Variants in SLCO1A2 observed in about 807,000 individuals in gnomAD.
SLCO1A2 encodes solute carrier organic anion transporter family member 1A2.
SLCO1A2 carries 67 observed loss-of-function variants against 69.0 expected under a neutral mutation model. The ratio of observed to expected loss-of-function variants is 0.97; its 90% CI spans 0.80 to 1.19. The LOEUF (loss-of-function observed/expected upper bound fraction) is 1.19. Among genes scored for constraint, SLCO1A2 ranks in the 50% most tolerant of loss-of-function variants. The pLI, the probability that SLCO1A2 is intolerant of heterozygous loss-of-function variation, is 0.00. For synonymous variants in SLCO1A2, 260 were observed against 265.9 expected (o/e 0.98, Z 0.22); for missense variants, 787 against 793.7 (o/e 0.99, Z 0.10).
In SLCO1A2 at chr12:21,304,581, A is replaced by T. The variant is rs1456354209; in HGVS notation, c.443-8T>A. ...TAACTTCCTTTGTACACTCTGCATT[A>T]AAAAAAAAAGACATGACATTAGTGC... On this transcript the variant is annotated splice_region_variant and splice_polypyrimidine_tract_variant and intron_variant, in intron 5 of 14. Transcript: ENST00000683939. 5.9e-6 allele frequency: 4 copies of T among 673,346 alleles called. No individual in the cohort carries two copies. In the African/African-American group the frequency reaches 2.3e-4, roughly 38 times the overall value. The allele number at this position is 673,346 out of a possible 1,614,324, so 41.7% of individuals were successfully genotyped here. A position where few individuals can be genotyped will look rare whatever the true frequency, so the allele number is the denominator to read the frequency against.
In SLCO1A2 at chr12:21,400,649, T is replaced by G. The variant is rs1156797264; in HGVS notation, c.-312+17233A>C. ...ACCCAAATGTCCAACAATGATAGACTGGATTAAGAAAATGTGGCACATATA... is the reference window on the plus strand; with the variant it reads ...ACCCAAATGTCCAACAATGATAGACGGGATTAAGAAAATGTGGCACATATA... On this transcript the variant is annotated intron_variant, in intron 1 of 4. Transcript: ENST00000413682. Among the ~76,000 whole-genome samples the G allele has an allele frequency of 6.7e-5, 10 of 149,940 alleles. No homozygotes were observed. In the East Asian group the frequency reaches 1.8e-3, roughly 26 times the overall value.
chr12:21,377,064 T>A (rs1940251678), intron 1 of SLCO1A2, among the ~76,000 whole-genome samples: 1 of 152,160 alleles, frequency 6.6e-6, no homozygotes, highest in African/African-American at 2.4e-5. Context: ...AAACATAAGT[T>A]AAAATTAAAT....
upstream of SLCO1A2, among the ~76,000 whole-genome samples, chr12:21,336,063 T>C (rs753315143): frequency 5.9e-5 from 9 of 152,056 alleles, no homozygotes; most frequent in Non-Finnish European, 8.8e-5. Context: ...ATGTAAGTGG[T>C]GAAAAAATTC....
At chr12:21,284,250 G>A (rs551016057) in intron 12 of SLCO1A2, among the ~76,000 whole-genome samples, 7 of 152,144 alleles carry the variant, frequency 4.6e-5, no homozygotes, top group African/African-American at 1.4e-4. Flanking sequence ...AAAAAAGAAT[G>A]AGGGGGAGGA....
chr12:21,380,665 A>G (rs1049901201), intron 1 of SLCO1A2, among the ~76,000 whole-genome samples: 2 of 152,188 alleles, frequency 1.3e-5, no homozygotes, highest in African/African-American at 2.4e-5. Context: ...GGAAAAAAAT[A>G]ATGAGAATAA....
At chr12:21,387,749 G>C (rs1018077848) in intron 1 of SLCO1A2, among the ~76,000 whole-genome samples, 6 of 152,148 alleles carry the variant, frequency 3.9e-5, no homozygotes, top group Non-Finnish European at 8.8e-5. Flanking sequence ...CTGCCTAGTG[G>C]AGCTGTGAGA....
In SLCO1A2 at chr12:21,267,614, T is replaced by G. The variant is rs1412954434; in HGVS notation, c.*1934A>C. 3 of 152,156 alleles carry G rather than the reference T, an allele frequency of 2.0e-5. No homozygotes were observed. The highest frequency in any genetic ancestry group is 7.2e-5 in the African/African-American group (3 of 41,442). The allele number at this position is 152,156 out of a possible 1,614,324, so 9.4% of individuals were successfully genotyped here. A position where few individuals can be genotyped will look rare whatever the true frequency, so the allele number is the denominator to read the frequency against. On this transcript the variant is annotated 3_prime_UTR_variant, in exon 15 of 15. Coordinates refer to ENST00000683939, the MANE Select transcript of SLCO1A2 (RefSeq NM_001386879.1). Reference sequence around the variant, plus strand: ...TTCCCCTTCTTCTAATTTCCATAAGTCTAACTTCCATATATATCCTATTTG... The same window carrying G: ...TTCCCCTTCTTCTAATTTCCATAAGGCTAACTTCCATATATATCCTATTTG...
chr12:21,349,689 C>T (rs1399163670), intron 2 of SLCO1A2, among the ~76,000 whole-genome samples: 2 of 152,178 alleles, frequency 1.3e-5, no homozygotes, highest in African/African-American at 2.4e-5. Context: ...TTATACTCCA[C>T]GCACTAACCA....
chr12:21,387,712 C>A (rs117705859), intron 1 of SLCO1A2, among the ~76,000 whole-genome samples: 2 of 152,140 alleles, frequency 1.3e-5, no homozygotes, highest in African/African-American at 4.8e-5. Flanking sequence ...GGGGTTGGAG[C>A]GCCCCCACAG....
chr12:21,332,144 CAT>C (rs1952656141), intron 2 of SLCO1A2, among the ~76,000 whole-genome samples: 2 of 152,124 alleles, frequency 1.3e-5, no homozygotes, highest in African/African-American at 4.8e-5. Context: ...GTCCTAAAAA[CAT>C]GTGTTCAAGG....
At chr12:21,278,184 T>TA (rs1944213029) in intron 12 of SLCO1A2, among the ~76,000 whole-genome samples, 1 of 150,488 alleles carries the variant, frequency 6.6e-6, no homozygotes, top group Non-Finnish European at 1.5e-5. Context: ...GAGAGAAGAG[T>TA]AAAAAGGTGT....
At chr12:21,330,713 T>A (rs1282149842) in intron 2 of SLCO1A2, among the ~76,000 whole-genome samples, 2 of 152,182 alleles carry the variant, frequency 1.3e-5, no homozygotes, top group African/African-American at 4.8e-5. Context: ...CTCAACATTT[T>A]TAATAAATCT....
chr12:21,331,523 C>A (rs1201511694), intron 2 of SLCO1A2, among the ~76,000 whole-genome samples: 1 of 151,920 alleles, frequency 6.6e-6, no homozygotes, highest in Non-Finnish European at 1.5e-5. Context: ...CAACAAAAAA[C>A]CCCAACAATA....
Position 21,391,582 on chromosome 12 carries a change from A to C in SLCO1A2, c.-190+3324T>G, listed in dbSNP as rs530287675. On this transcript the variant is annotated intron_variant, in intron 1 of 15. Coordinates refer to the SLCO1A2 transcript ENST00000307378. Reference sequence around the variant, plus strand: ...TACATTTGAAAAGGATAGTAAGTGCAGGTACCTTGAACAAATGGGATTTAT... The same window carrying C: ...TACATTTGAAAAGGATAGTAAGTGCCGGTACCTTGAACAAATGGGATTTAT... Among the ~76,000 whole-genome samples the C allele has an allele frequency of 1.2e-4, 19 of 152,290 alleles. No homozygotes were observed. In the East Asian group the frequency reaches 3.3e-3, roughly 26 times the overall value.
chr12:21,397,387 C>A (rs910500460), upstream of SLCO1A2, among the ~76,000 whole-genome samples: 3 of 152,074 alleles, frequency 2.0e-5, no homozygotes, highest in Non-Finnish European at 4.4e-5. Flanking sequence ...TCCTGAGTGA[C>A]CTACAAAGAG....
chr12:21,273,778 C>CTTGA (rs1943308311), intron 14 of SLCO1A2, among the ~76,000 whole-genome samples: 1 of 152,248 alleles, frequency 6.6e-6, no homozygotes, highest in Admixed American at 6.5e-5. Context: ...CCCCATACTT[C>CTTGA]TTGATATGTG....
intron 12 of SLCO1A2, among the ~76,000 whole-genome samples, chr12:21,279,124 G>A (rs538803722): frequency 7.9e-5 from 12 of 152,050 alleles, no homozygotes; most frequent in African/African-American, 2.9e-4. Flanking sequence ...GATTTAGTGA[G>A]CTTGAAGATA....
In SLCO1A2 at chr12:21,374,819, GTCTC is replaced by G. The variant is rs71043266; in HGVS notation, c.-189-298_-189-295del. 1.7e-4 allele frequency among the ~76,000 whole-genome samples: 25 copies of G among 148,262 alleles called. No individual in the cohort carries two copies. In the South Asian group the frequency reaches 4.9e-3, roughly 29 times the overall value. ...TTTTTTTATTTTATTTTGAGACAGG[GTCTC>G]TCTCTCTCTCTCTCTCTGTCTCTGT... On this transcript the variant is annotated intron_variant, in intron 1 of 15. Coordinates refer to the SLCO1A2 transcript ENST00000307378.
intron 2 of SLCO1A2, chr12:21,319,501 C>G: frequency 5.2e-6 from 7 of 1,347,772 alleles, no homozygotes; most frequent in Non-Finnish European, 7.0e-6. Context: ...GTAGGATGCT[C>G]TGCAACCCTT....
Sources: gnomAD v4.1 joint callset for allele counts (sites outside exome capture counted in the v4.1 genomes callset) on GRCh38, gnomAD v4.1.1 for gene constraint, MANE v1.5 for transcripts, NCBI Gene and HGNC (gene_info 2026-07-23, HGNC 2026-07-21) for gene names.